Variants in BBS4 observed in about 807,000 individuals in gnomAD.
The protein encoded by BBS4 is BBSome complex member BBS4.
BBS4 carries 58 observed loss-of-function variants against 71.4 expected under a neutral mutation model. That is an observed-to-expected ratio of 0.81 (90% CI 0.66 to 1.01). BBS4 has a LOEUF of 1.01. Among genes scored for constraint, BBS4 ranks in the 50% least tolerant of loss-of-function variants. The probability of loss-of-function intolerance (pLI) is 0.00; values close to 1 mark genes in which losing one functional copy is unlikely to be tolerated. For synonymous variants in BBS4, 228 were observed against 216.8 expected (o/e 1.05, Z -0.46); for missense variants, 660 against 607.9 (o/e 1.09, Z -0.90).
chr15:72,725,242 CTG>C (rs1282659545), intron 8 of BBS4, among the ~76,000 whole-genome samples: 2 of 151,620 alleles, frequency 1.3e-5, no homozygotes, highest in Admixed American at 6.6e-5. Context: ...AAAAAAAAAA[CTG>C]TTTTTGTGTT....
At chr15:72,723,983 C>G (rs1261455893) in intron 7 of BBS4, among the ~76,000 whole-genome samples, 1 of 152,178 alleles carries the variant, frequency 6.6e-6, no homozygotes, top group East Asian at 1.9e-4. Context: ...AATGACTAAA[C>G]AAAGCCCTTT....
chr15:72,695,444 C>T (rs559584678), intron 2 of BBS4, among the ~76,000 whole-genome samples: 18 of 152,228 alleles, frequency 1.2e-4, no homozygotes, highest in East Asian at 1.2e-3. Flanking sequence ...CACGCCACCA[C>T]ACCTGGCTAA....
rs144802157 is a variant in BBS4, at chr15:72,696,195, C to G, written c.76+967C>G. On this transcript the variant is annotated intron_variant, in intron 2 of 15. Transcript: ENST00000268057. ...TGGATGCATATACATTTAGGATTGT[C>G]TGATTTCTTGGTAAATTGACCCGTT... Among the ~76,000 whole-genome samples, 10 of 152,220 alleles carry G rather than the reference C, an allele frequency of 6.6e-5. No individual in the cohort carries two copies. The East Asian group carries it at 1.7e-3, about 26-fold the overall frequency.
At chr15:72,695,263 C>T (rs755874669) in intron 2 of BBS4, 35 bp downstream of exon 2, 2 of 1,353,246 alleles carry the variant, frequency 1.5e-6, no homozygotes, top group Non-Finnish European at 1.0e-6. Context: ...TGTATGTTTG[C>T]ACAGACAGAT....
At chr15:72,709,669 GTTGT>G (rs2065330252) in intron 2 of BBS4, 27 bp from the exon 3 acceptor site, 2 of 1,496,514 alleles carry the variant, frequency 1.3e-6, no homozygotes, top group Non-Finnish European at 1.9e-6. Flanking sequence ...TAATGACTGT[GTTGT>G]TTGTTTTGTC....
Position 72,695,238 on chromosome 15 carries a change from C to T in BBS4, c.76+10C>T, listed in dbSNP as rs2065055233. 2 of 1,555,654 alleles carry T rather than the reference C, an allele frequency of 1.3e-6. No homozygotes were observed. The highest frequency in any genetic ancestry group is 1.4e-5 in the African/African-American group (1 of 73,788). On this transcript the variant is annotated intron_variant, in intron 2 of 15. Coordinates refer to ENST00000268057, the MANE Select transcript of BBS4 (RefSeq NM_033028.5). ...CCCCGGCAGAAAAAAGGTCTGTATG[C>T]AGTTTCATGGTATGTGTATGTTTGC...
chr15:72,729,918 T>G (rs1486968875), intron 10 of BBS4, among the ~76,000 whole-genome samples: 1 of 152,208 alleles, frequency 6.6e-6, no homozygotes, highest in Non-Finnish European at 1.5e-5. Context: ...AGAAGGCAGA[T>G]CATAGTGCTA....
In BBS4 at chr15:72,713,360, C is replaced by CACGCAT. The variant is rs1440779486; in HGVS notation, c.220+1053_220+1054insACGCAT. 2.2e-4 allele frequency among the ~76,000 whole-genome samples: 32 copies of CACGCAT among 147,796 alleles called. No homozygotes were observed. In the South Asian group the frequency reaches 3.0e-3, roughly 14 times the overall value. On this transcript the variant is annotated intron_variant, in intron 4 of 15. Coordinates refer to ENST00000268057, the MANE Select transcript of BBS4 (RefSeq NM_033028.5). ...ACACACACACACACACGCACACGCA[C>CACGCAT]GCACGCACTGGTCTAGGCCTACACT...
rs923022198 is a variant in BBS4 at position 72,715,943 on chromosome 15, T to C, written c.332+541T>C. ...GTAAATTACATGAGATATTCAGCAT[T>C]TTATTATAAAGTTGGCATTGTGTTA... On this transcript the variant is annotated intron_variant, in intron 5 of 15. Transcript: ENST00000268057. Among the ~76,000 whole-genome samples the C allele has an allele frequency of 2.0e-5, 3 of 152,190 alleles. No homozygotes were observed. The East Asian group carries it at 5.8e-4, about 29-fold the overall frequency.
Position 72,737,951 on chromosome 15 carries a change from G to C in BBS4, c.*364G>C, listed in dbSNP as rs1370918508. On this transcript the variant is annotated 3_prime_UTR_variant, in exon 16 of 16. Transcript: ENST00000268057. ...GACTCCTTCCTTAGTTCAAGGAACA[G>C]CTGAGACAGACCTCTGCTGAGTAGC... is the stretch of plus-strand genomic sequence containing the variant. The C allele has an allele frequency of 8.8e-6, 4 of 455,220 alleles. No homozygotes were observed. Among genetic ancestry groups the C allele is most frequent in the African/African-American group, 8.0e-5 (4 of 50,070 alleles). The allele number at this position is 455,220 out of a possible 1,614,324, so 28.2% of individuals were successfully genotyped here. A position where few individuals can be genotyped will look rare whatever the true frequency, so the allele number is the denominator to read the frequency against.
rs1377357804 is a variant in BBS4 at position 72,737,667 on chromosome 15, G to C, written c.*80G>C. On this transcript the variant is annotated 3_prime_UTR_variant, in exon 16 of 16. Coordinates refer to ENST00000268057, the MANE Select transcript of BBS4 (RefSeq NM_033028.5). Reference sequence around the variant, plus strand: ...TAGGAAAGGTGACATGACACAGGCAGAGCAGAGTGGCACCCACCACAGAAT... The same window carrying C: ...TAGGAAAGGTGACATGACACAGGCACAGCAGAGTGGCACCCACCACAGAAT... The C allele has an allele frequency of 1.8e-6, 2 of 1,124,516 alleles. No homozygotes were observed. The highest frequency in any genetic ancestry group is 2.0e-5 in the Admixed American group (1 of 50,054). 69.7% of individuals were successfully genotyped at this position (1,124,516 alleles called of 1,614,324 possible).
chr15:72,686,248 G>A lies in BBS4; in HGVS notation c.21G>A (p.Ala7=). Residue 7 remains alanine, a synonymous_variant, in exon 1 of 16, where the codon GCG becomes GCA. Coordinates refer to ENST00000268057, the MANE Select transcript of BBS4 (RefSeq NM_033028.5). MAEERV[A]TRTQFPVSTE... ...CTAAAATGGCTGAGGAGAGAGTCGCGACGGTGAGCGCCGAGATTCTCTTTA... is the reference window on the plus strand; with the variant it reads ...CTAAAATGGCTGAGGAGAGAGTCGCAACGGTGAGCGCCGAGATTCTCTTTA... 6.4e-7 allele frequency: 1 copy of A among 1,565,346 alleles called. No homozygotes were observed. The highest frequency in any genetic ancestry group is 8.7e-7 in the Non-Finnish European group (1 of 1,155,804).
chr15:72,717,046 T>G, intron 6 of BBS4, 196 bp downstream of exon 6: 1 of 589,590 alleles, frequency 1.7e-6, no homozygotes, highest in Non-Finnish European at 3.0e-6. Context: ...CTGCATGATT[T>G]TCTAGCAGTT....
At chr15:72,694,338 G>A (rs1323762693) in intron 1 of BBS4, among the ~76,000 whole-genome samples, 1 of 151,020 alleles carries the variant, frequency 6.6e-6, no homozygotes, top group African/African-American at 2.4e-5. Flanking sequence ...CTATAGGCAC[G>A]TGCCACCATG....
chr15:72,686,443 A>G (rs1165821944), intron 1 of BBS4, 192 bp downstream of exon 1: 25 of 1,533,056 alleles, frequency 1.6e-5, no homozygotes, highest in Non-Finnish European at 2.2e-5. Flanking sequence ...GATACTTAGC[A>G]GCACAGGTCC....
At chr15:72,723,920 AG>A (rs1199380448) in intron 7 of BBS4, among the ~76,000 whole-genome samples, 4 of 152,226 alleles carry the variant, frequency 2.6e-5, no homozygotes, top group African/African-American at 7.2e-5. Flanking sequence ...TACAGCTAAC[AG>A]GCTAGGCAAA....
intron 8 of BBS4, among the ~76,000 whole-genome samples, chr15:72,725,051 TATATATAG>T (rs1013590763): frequency 3.0e-5 from 3 of 101,054 alleles, no homozygotes; most frequent in Admixed American, 1.1e-4. Flanking sequence ...TATATATATA[TATATATAG>T]AGAGAGAGAG....
chr15:72,721,452 C>T (rs975441580), intron 6 of BBS4, among the ~76,000 whole-genome samples: 4 of 151,854 alleles, frequency 2.6e-5, no homozygotes, highest in African/African-American at 9.7e-5. Flanking sequence ...TGAAATTCTC[C>T]CTAGGATGTA....
chr15:72,732,416 C>A (rs1413648118), intron 12 of BBS4, among the ~76,000 whole-genome samples: 1 of 152,138 alleles, frequency 6.6e-6, no homozygotes, highest in African/African-American at 2.4e-5. Context: ...CAATTATGCA[C>A]AACCATTTTA....
Sources: gnomAD v4.1 joint callset for allele counts (sites outside exome capture counted in the v4.1 genomes callset) on GRCh38, gnomAD v4.1.1 for gene constraint, MANE v1.5 for transcripts, NCBI Gene and HGNC (gene_info 2026-07-23, HGNC 2026-07-21) for gene names.